GLI2: variants seen among roughly 807,000 people sequenced by gnomAD.
The protein encoded by GLI2 is GLI family zinc finger 2.
In GLI2, 22 loss-of-function variants were observed where a neutral mutation model predicts 78.9. The ratio of observed to expected loss-of-function variants is 0.28; its 90% confidence interval spans 0.20 to 0.40. GLI2 has a LOEUF of 0.40. Among genes scored for constraint, GLI2 ranks in the 10% least tolerant of loss-of-function variants. GLI2 has a pLI of 1.00. For missense variants in GLI2, 2,097 were observed against 2,213.2 expected, an observed-to-expected ratio of 0.95 and a Z score of 1.05; for synonymous variants, 974 against 963.7, an observed-to-expected ratio of 1.01 and a Z score of -0.20.
intron 2 of GLI2, among the ~76,000 whole-genome samples, chr2:120,857,925 C>T (rs959932073): frequency 7.9e-5 from 12 of 152,242 alleles, no homozygotes; most frequent in East Asian, 5.8e-4. Context: ...CTCAGAGTTG[C>T]GGTTGCTTCT....
intron 2 of GLI2, among the ~76,000 whole-genome samples, chr2:120,833,928 G>C (rs1458615027): frequency 6.6e-6 from 1 of 152,158 alleles, no homozygotes; most frequent in Non-Finnish European, 1.5e-5. Context: ...GTAACACCTA[G>C]TGGGTCTGTC....
intron 10 of GLI2, among the ~76,000 whole-genome samples, chr2:120,979,508 T>C (rs1490393046): frequency 6.6e-6 from 1 of 152,264 alleles, no homozygotes; most frequent in East Asian, 1.9e-4. Flanking sequence ...ATCTCTGAAG[T>C]CAGACTGTCT....
intron 12 of GLI2, among the ~76,000 whole-genome samples, 182 bp from the exon 13 acceptor site, chr2:120,986,096 C>T (rs569804175): frequency 6.6e-6 from 1 of 152,374 alleles, no homozygotes; most frequent in East Asian, 1.9e-4. Context: ...AGTGAAGTGA[C>T]TTGACCGTTT....
intron 2 of GLI2, among the ~76,000 whole-genome samples, chr2:120,852,468 T>A (rs966265161): frequency 1.3e-5 from 2 of 152,136 alleles, no homozygotes; most frequent in Non-Finnish European, 2.9e-5. Flanking sequence ...GACCCCCAGA[T>A]GATATGTCGT....
chr2:120,834,446 C>T lies in GLI2; in HGVS notation c.148+36978C>T, dbSNP rs77564304. ...GGGTGTTAGGGCAGAGGCATGTGGC[C>T]TCCCAGAGTGTAGAGCCAGGTAGGG... On this transcript the variant is annotated intron_variant, in intron 2 of 13. Coordinates refer to ENST00000361492, the MANE Select transcript of GLI2 (RefSeq NM_001374353.1). Among the ~76,000 whole-genome samples the T allele has an allele frequency of 8.2e-3, 1,243 of 152,228 alleles. 24 individuals carry two copies. The highest frequency in any genetic ancestry group is 0.029 in the African/African-American group (1,190 of 41,542).
intron 10 of GLI2, among the ~76,000 whole-genome samples, chr2:120,978,944 A>T (rs1353645053): frequency 1.3e-5 from 2 of 152,204 alleles, no homozygotes; most frequent in African/African-American, 4.8e-5. Flanking sequence ...AGAGAAAAAA[A>T]CATCATTGGT....
intron 2 of GLI2, among the ~76,000 whole-genome samples, chr2:120,876,933 G>C (rs1262669140): frequency 6.6e-6 from 1 of 152,232 alleles, no homozygotes; most frequent in African/African-American, 2.4e-5. Context: ...TTTTACTTAA[G>C]ACGTGCCCCC....
At position 120,737,065 on chromosome 2, in the gene GLI2, G is replaced by A. The variant is rs1279672443; in HGVS notation, c.-31+780G>A. Among the ~76,000 whole-genome samples the A allele has an allele frequency of 2.0e-5, 3 of 152,060 alleles. No homozygotes were observed. The highest frequency in any genetic ancestry group is 4.4e-5 in the Non-Finnish European group (3 of 68,016). ...CAATCTCTCAACAAGTATATTTGCT[G>A]AGGAATTTGAAAAATCCACTACTGC... On this transcript the variant is annotated intron_variant, in intron 1 of 13. Transcript: ENST00000361492. The surrounding 1 kb of genome is among the most constrained non-coding windows in gnomAD (Gnocchi z 4.3).
Position 120,800,081 on chromosome 2 carries a change from G to A in GLI2, c.148+2613G>A, listed in dbSNP as rs140457958. ...TCATGGGCCAGAAGCGTTTGCTGCA[G>A]CCACTGAGGAGTTGGGCACTCAGCC... is the stretch of plus-strand genomic sequence containing the variant. On this transcript the variant is annotated intron_variant, in intron 2 of 13. Coordinates refer to ENST00000361492, the MANE Select transcript of GLI2 (RefSeq NM_001374353.1). This position sits in a 1 kb window ranked among gnomAD's most constrained non-coding sequence, Gnocchi z 4.1. 2.0e-3 allele frequency among the ~76,000 whole-genome samples: 302 copies of A among 152,316 alleles called. 1 individual carries two copies. The highest frequency in any genetic ancestry group is 6.9e-3 in the African/African-American group (286 of 41,570).
chr2:120,784,674 C>T (rs899999134), intron 1 of GLI2, among the ~76,000 whole-genome samples: 5 of 152,098 alleles, frequency 3.3e-5, no homozygotes, highest in Non-Finnish European at 5.9e-5. Context: ...GCCTCCTGCT[C>T]GCCCCCCAGA....
intron 2 of GLI2, among the ~76,000 whole-genome samples, chr2:120,807,560 G>T (rs1323322663): frequency 6.6e-6 from 1 of 152,200 alleles, no homozygotes; most frequent in African/African-American, 2.4e-5. Context: ...GTTCACCCGT[G>T]ATGTGCAAGG....
chr2:120,933,057 G>GA (rs1680020275), intron 3 of GLI2, among the ~76,000 whole-genome samples: 1 of 152,164 alleles, frequency 6.6e-6, no homozygotes, highest in African/African-American at 2.4e-5. Flanking sequence ...GGGAACTGTG[G>GA]TGAGAGGACC....
intron 2 of GLI2, among the ~76,000 whole-genome samples, chr2:120,875,813 G>C (rs796764309): frequency 2.6e-5 from 4 of 152,000 alleles, no homozygotes; most frequent in Non-Finnish European, 5.9e-5. Flanking sequence ...GGGATGAGGT[G>C]GGGGGGCTGG....
chr2:120,871,414 A>G (rs971502379), intron 2 of GLI2, among the ~76,000 whole-genome samples: 11 of 152,200 alleles, frequency 7.2e-5, no homozygotes, highest in African/African-American at 2.7e-4. Context: ...GCTGGAAAAC[A>G]CAGCTGCCTG....
intron 2 of GLI2, among the ~76,000 whole-genome samples, chr2:120,850,666 C>T (rs1015935783): frequency 6.6e-6 from 1 of 152,100 alleles, no homozygotes; most frequent in Non-Finnish European, 1.5e-5. Flanking sequence ...GCTGCCCCCT[C>T]TCTACAGTCA....
chr2:120,815,331 C>T (rs1010610170), intron 2 of GLI2, among the ~76,000 whole-genome samples: 3 of 152,148 alleles, frequency 2.0e-5, no homozygotes, highest in Admixed American at 6.5e-5. Context: ...GCCTTTATGG[C>T]GCCACAACCC....
Position 120,986,571 on chromosome 2 carries a change from T to G in GLI2, c.2199T>G (p.Thr733=), listed in dbSNP as rs146909860. The G allele has an allele frequency of 1.4e-4, 221 of 1,614,074 alleles. 3 individuals are homozygous for G. In the African/African-American group the frequency reaches 2.3e-3, roughly 17 times the overall value. The change falls in exon 13 of 14, where the codon ACT becomes ACG. Residue 733 remains threonine (T), a synonymous_variant. Transcript: ENST00000361492. The stretch of plus-strand genomic sequence containing the variant: ...ATTCCTGCTCATGGGCCGGGCCGAC[T>G]CCACACACGCGGAACACCAAGCTGC... ...LKDSCSWAGP[T]PHTRNTKLPP...
intron 3 of GLI2, among the ~76,000 whole-genome samples, chr2:120,945,725 C>T (rs897621999): frequency 1.6e-4 from 24 of 152,306 alleles, no homozygotes; most frequent in African/African-American, 5.1e-4. Context: ...TTGCACCCTA[C>T]GAGCTCAGCA....
At chr2:120,955,547 C>A (rs893692376) in intron 5 of GLI2, 117 bp downstream of exon 5, 1 of 669,896 alleles carries the variant, frequency 1.5e-6, no homozygotes, top group South Asian at 2.0e-5. Context: ...TCGGGCTGTA[C>A]CCCAATGCCT....
Sources: allele counts gnomAD v4.1 joint callset (sites outside exome capture counted in the v4.1 genomes callset), GRCh38; gene constraint gnomAD v4.1.1; non-coding constraint Gnocchi (gnomAD v3.1); transcripts MANE v1.5; gene names NCBI Gene and HGNC (gene_info 2026-07-23, HGNC 2026-07-21).